The following SPEN variants were observed in gnomAD, a reference collection of about 807,000 sequenced individuals.
The protein encoded by SPEN is msx2-interacting protein.
A neutral mutation model predicts 269.9 loss-of-function variants in SPEN; 18 were observed. That is an observed-to-expected ratio of 0.07 (90% CI 0.05 to 0.10). SPEN has a LOEUF of 0.10. Ranked by LOEUF, SPEN falls within the 10% of genes least tolerant of loss-of-function variation. The pLI, the probability that SPEN is intolerant of heterozygous loss-of-function variation, is 1.00. For missense variants in SPEN, 3,822 were observed against 4,631.2 expected, an observed-to-expected ratio of 0.83 and a Z score of 5.07; for synonymous variants, 1,726 against 1,765.7, an observed-to-expected ratio of 0.98 and a Z score of 0.56.
chr1:15,874,758 ATC>A (rs2070614558), intron 2 of SPEN, among the ~76,000 whole-genome samples: 2 of 152,214 alleles, frequency 1.3e-5, no homozygotes, highest in South Asian at 4.1e-4. Context: ...AAATATAAAA[ATC>A]TCAGAACTGT....
rs1557757985 is a variant in SPEN, at chr1:15,928,193, A to G, written c.1953A>G (p.Pro651=). The G allele has an allele frequency of 6.2e-7, 1 of 1,614,124 alleles. No individual in the cohort carries two copies. The highest frequency in any genetic ancestry group is 8.5e-7 in the Non-Finnish European group (1 of 1,180,056). Residue 651 remains proline, a synonymous_variant, in exon 11 of 15, where the codon CCA becomes CCG. Coordinates refer to ENST00000375759, the MANE Select transcript of SPEN (RefSeq NM_015001.3). The surrounding 1 kb of genome is among the most constrained non-coding windows in gnomAD (Gnocchi z 5.7). The part of the protein sequence containing the change: ...TYPEDSRRDY[P]ARGREFYSEW... ...CTGAGGATTCCAGGCGGGACTATCC[A>G]GCTCGAGGGAGAGAGTTTTATTCAG...
chr1:15,938,089 G>C lies in SPEN; in HGVS notation c.10704+83G>C. The stretch of plus-strand genomic sequence containing the variant: ...TAGTCCCTGCCAGCCCATCTCCCTG[G>C]CCTGTCATGGAAGCATTAACTGTAT... On this transcript the variant is annotated intron_variant, in intron 13 of 14. Coordinates refer to ENST00000375759, the MANE Select transcript of SPEN (RefSeq NM_015001.3). The C allele has an allele frequency of 4.0e-6, 5 of 1,244,626 alleles. No individual in the cohort carries two copies. The South Asian group carries it at 7.2e-5, about 18-fold the overall frequency. The allele number at this position is 1,244,626 out of a possible 1,614,324, so 77.1% of individuals were successfully genotyped here.
chr1:15,936,067 A>G lies in SPEN; in HGVS notation c.9827A>G (p.Asn3276Ser). Residue 3276 changes from asparagine (N) to serine (S), a missense_variant, in exon 11 of 15, where the codon AAC (asparagine) becomes AGC (serine). Coordinates refer to ENST00000375759, the MANE Select transcript of SPEN (RefSeq NM_015001.3). ...EARILTVTPS[N>S]QLQGLPLTPP... Reference sequence around the variant, plus strand: ...CGTATCCTCACAGTTACCCCCAGTAACCAACTCCAGGGGCTGCCTCTGACC... The same window carrying G: ...CGTATCCTCACAGTTACCCCCAGTAGCCAACTCCAGGGGCTGCCTCTGACC... The G allele has an allele frequency of 6.3e-7, 1 of 1,594,046 alleles. No homozygotes were observed. The highest frequency in any genetic ancestry group is 2.2e-5 in the East Asian group (1 of 44,448).
At position 15,929,927 on chromosome 1, in the gene SPEN, G is replaced by T; in HGVS notation, c.3687G>T (p.Arg1229Ser). The stretch of plus-strand genomic sequence containing the variant: ...ACTCTCCTCCTAGCAAAAAGAAAAG[G>T]ATGGATCATGTCGATTTTGATATCT... ...TDDSPPSKKKRMDHVDFDICT... is the reference protein window; with the variant it reads ...TDDSPPSKKKSMDHVDFDICT... The change falls in exon 11 of 15, where the codon AGG becomes AGT. Residue 1229 changes from arginine to serine, a missense_variant. Coordinates refer to ENST00000375759, the MANE Select transcript of SPEN (RefSeq NM_015001.3). The surrounding 1 kb of genome is among the most constrained non-coding windows in gnomAD (Gnocchi z 5.8). 1 of 1,614,152 alleles carries T rather than the reference G, an allele frequency of 6.2e-7. No homozygotes were observed. Among genetic ancestry groups the T allele is most frequent in the Non-Finnish European group, 8.5e-7 (1 of 1,180,050 alleles).
At position 15,929,615 on chromosome 1, in the gene SPEN, G is replaced by A. The variant is rs778372049; in HGVS notation, c.3375G>A (p.Glu1125=). ...QLQVLDDQGP[E]REDVRKNYCS... Reference sequence around the variant, plus strand: ...AGGTATTAGATGATCAAGGACCAGAGAGAGAAGACGTTAGGAAAAACTATT... The same window carrying A: ...AGGTATTAGATGATCAAGGACCAGAAAGAGAAGACGTTAGGAAAAACTATT... The change falls in exon 11 of 15, where the codon GAG becomes GAA. Residue 1125 remains glutamate, a synonymous_variant. Coordinates refer to ENST00000375759, the MANE Select transcript of SPEN (RefSeq NM_015001.3). This position sits in a 1 kb window ranked among gnomAD's most constrained non-coding sequence, Gnocchi z 5.8. 4 of 1,614,106 alleles carry A rather than the reference G, an allele frequency of 2.5e-6. No individual in the cohort carries two copies. The South Asian group carries it at 4.4e-5, about 18-fold the overall frequency.
rs1422368010 is a variant in SPEN, at chr1:15,932,574, A to C, written c.6334A>C (p.Arg2112=). The C allele has an allele frequency of 1.2e-6, 2 of 1,601,698 alleles. No individual in the cohort carries two copies. The highest frequency in any genetic ancestry group is 2.7e-5 in the African/African-American group (2 of 74,446). Residue 2112 remains arginine (R), a synonymous_variant, in exon 11 of 15, where the codon AGG becomes CGG. Coordinates refer to ENST00000375759, the MANE Select transcript of SPEN (RefSeq NM_015001.3). The surrounding 1 kb of genome is among the most constrained non-coding windows in gnomAD (Gnocchi z 4.2). The part of the protein sequence containing the change: ...PRGAAAQAGE[R]ESGVVAVSPE... The stretch of plus-strand genomic sequence containing the variant: ...GGGGGCTGCAGCACAGGCAGGGGAG[A>C]GGGAATCTGGGGTGGTGGCAGTCTC...
At chr1:15,872,697 A>G (rs1169805563) in intron 1 of SPEN, 119 bp from the exon 2 acceptor site, 2 of 618,238 alleles carry the variant, frequency 3.2e-6, no homozygotes, top group East Asian at 5.6e-5. Context: ...GCCATTTAAA[A>G]AGTCATTTTG....
At chr1:15,899,537 GT>G (rs34565365) in intron 3 of SPEN, among the ~76,000 whole-genome samples, 3,559 of 83,354 alleles carry the variant, frequency 0.043, 175 homozygotes, top group African/African-American at 0.15. Flanking sequence ...ATGTGGCAGA[GT>G]TTTTTTTTTT....
intron 1 of SPEN, among the ~76,000 whole-genome samples, chr1:15,869,052 ATTAT>A (rs2070546220): frequency 1.3e-5 from 2 of 152,068 alleles, no homozygotes; most frequent in Admixed American, 6.6e-5. Flanking sequence ...TATTAAATTA[ATTAT>A]TTATTAATTT....
intron 11 of SPEN, among the ~76,000 whole-genome samples, chr1:15,936,661 G>A (rs1040419899): frequency 8.5e-6 from 1 of 117,254 alleles, no homozygotes; most frequent in Non-Finnish European, 1.9e-5. Context: ...AAAAAGCCGG[G>A]CATAGTGGCT....
At chr1:15,879,732 A>G (rs2070668510) in intron 3 of SPEN, among the ~76,000 whole-genome samples, 1 of 151,106 alleles carries the variant, frequency 6.6e-6, no homozygotes, top group South Asian at 2.1e-4. Flanking sequence ...ATGCAGTGGC[A>G]CGATCTCGGC....
In SPEN at chr1:15,935,989, T is replaced by G; in HGVS notation, c.9749T>G (p.Val3250Gly). ...GCCCCCACCCCCACCCCTGCCCCCG[T>G]CCCTGTCCCTGTCCCCCTTCCTGCC... ...KAAPTPTPAPVPVPVPLPAPA... is the reference protein window; with the variant it reads ...KAAPTPTPAPGPVPVPLPAPA... The change falls in exon 11 of 15, where the codon GTC (valine) becomes GGC (glycine). Residue 3250 changes from valine to glycine, a missense_variant. Physicochemically the swap from Val to Gly is moderately radical, Grantham distance 109. Transcript: ENST00000375759. This position sits in a 1 kb window ranked among gnomAD's most constrained non-coding sequence, Gnocchi z 7.7. The G allele has an allele frequency of 2.2e-6, 2 of 915,450 alleles. No homozygotes were observed. Among genetic ancestry groups the G allele is most frequent in the Non-Finnish European group, 3.0e-6 (2 of 661,444 alleles). 56.7% of individuals were successfully genotyped at this position (915,450 alleles called of 1,614,324 possible). A position where few individuals can be genotyped will look rare whatever the true frequency, so the allele number is the denominator to read the frequency against.
intron 1 of SPEN, among the ~76,000 whole-genome samples, chr1:15,854,772 C>A (rs530833309): frequency 6.6e-6 from 1 of 152,024 alleles, no homozygotes; most frequent in African/African-American, 2.4e-5. Context: ...TGAGCCACCG[C>A]GACCGGCCAA....
In SPEN at chr1:15,848,035, C is replaced by T; in HGVS notation, c.-33C>T. 7.3e-7 allele frequency: 1 copy of T among 1,371,814 alleles called. No homozygotes were observed. The highest frequency in any genetic ancestry group is 9.6e-7 in the Non-Finnish European group (1 of 1,038,662). The allele number at this position is 1,371,814 out of a possible 1,614,324, so 85.0% of individuals were successfully genotyped here. On this transcript the variant is annotated 5_prime_UTR_variant, in exon 1 of 15. Transcript: ENST00000375759. The surrounding 1 kb of genome is among the most constrained non-coding windows in gnomAD (Gnocchi z 5.1). Reference sequence around the variant, plus strand: ...CTCGTACGAAGCCGGCGAGGGGGAGCCAGCAGCGGCGGTCGCCGGCACGCC... The same window carrying T: ...CTCGTACGAAGCCGGCGAGGGGGAGTCAGCAGCGGCGGTCGCCGGCACGCC...
chr1:15,850,623 C>T (rs1158298985), intron 1 of SPEN, among the ~76,000 whole-genome samples: 1 of 152,114 alleles, frequency 6.6e-6, no homozygotes, highest in Non-Finnish European at 1.5e-5. Flanking sequence ...TCCTGCTGAT[C>T]CAGCTGTGGA....
At chr1:15,938,143 G>A (rs1025288525) in intron 13 of SPEN, 137 bp downstream of exon 13, 16 of 838,068 alleles carry the variant, frequency 1.9e-5, no homozygotes, top group Admixed American at 1.2e-4. Flanking sequence ...AGTCTCTGTC[G>A]CCTGGGCTGG....
chr1:15,922,609 G>C (rs2071129933), intron 10 of SPEN, among the ~76,000 whole-genome samples: 2 of 151,632 alleles, frequency 1.3e-5, no homozygotes, highest in Non-Finnish European at 2.9e-5. Flanking sequence ...TTACTGTTTT[G>C]CCAGGTGATA....
At chr1:15,916,331 A>G (rs2071066851) in intron 6 of SPEN, 52 bp downstream of exon 6, 1 of 1,560,634 alleles carries the variant, frequency 6.4e-7, no homozygotes, top group African/African-American at 1.4e-5. Flanking sequence ...ATAACACATA[A>G]AGCATAGTAC....
intron 2 of SPEN, among the ~76,000 whole-genome samples, chr1:15,874,728 C>T (rs764976797): frequency 6.6e-6 from 1 of 152,106 alleles, no homozygotes; most frequent in Non-Finnish European, 1.5e-5. Context: ...AAAGGAAACC[C>T]TCTTATTTGT....
Sources: allele counts gnomAD v4.1 joint callset (sites outside exome capture counted in the v4.1 genomes callset), GRCh38; gene constraint gnomAD v4.1.1; non-coding constraint Gnocchi (gnomAD v3.1); transcripts MANE v1.5; gene names NCBI Gene and HGNC (gene_info 2026-07-23, HGNC 2026-07-21).